The following TRIM37 variants were observed in gnomAD, a reference collection of about 807,000 sequenced individuals.
The protein encoded by TRIM37 is tripartite motif containing 37, also known as E3 ubiquitin-protein ligase TRIM37.
TRIM37 carries 80 observed loss-of-function variants against 129.8 expected under a neutral mutation model. The observed-to-expected ratio is 0.62, with a 90% CI of 0.51 to 0.74. The LOEUF (loss-of-function observed/expected upper bound fraction) is 0.74. Among genes scored for constraint, TRIM37 ranks in the 30% least tolerant of loss-of-function variants. The pLI is 0.00. For synonymous variants in TRIM37, 389 were observed against 387.1 expected (o/e 1.00, Z -0.06); for missense variants, 1,054 against 1,176.5 (o/e 0.90, Z 1.52).
In TRIM37 at chr17:59,001,498, T is replaced by C. The variant is rs1264438758; in HGVS notation, c.2812+100A>G. ...GTAGAAGCAGAAGAAGCAAAAGCAGTAGAGCGGAAAAAGTAGAAGTAGCAG... is the reference window on the plus strand; with the variant it reads ...GTAGAAGCAGAAGAAGCAAAAGCAGCAGAGCGGAAAAAGTAGAAGTAGCAG... On this transcript the variant is annotated intron_variant, in intron 23 of 23. Coordinates refer to ENST00000262294, the MANE Select transcript of TRIM37 (RefSeq NM_015294.6). 7.9e-6 allele frequency: 11 copies of C among 1,400,874 alleles called. No individual in the cohort carries two copies. The African/African-American group carries it at 9.2e-5, about 12-fold the overall frequency. 86.8% of individuals were successfully genotyped at this position (1,400,874 alleles called of 1,614,324 possible).
intron 22 of TRIM37, among the ~76,000 whole-genome samples, chr17:59,008,815 T>C (rs2034878379): frequency 6.6e-6 from 1 of 152,206 alleles, no homozygotes; most frequent in Non-Finnish European, 1.5e-5. Context: ...GTTCCACATA[T>C]GCTATTCCCA....
At chr17:58,969,364 G>A in the TRIM37 span, 1 of 719,208 alleles carries the variant, frequency 1.4e-6, no homozygotes, top group Non-Finnish European at 2.5e-6. Context: ...CCCTAATATT[G>A]CAGGTATTTC....
At chr17:58,978,047 CAA>C (rs1453737362), downstream of TRIM37, among the ~76,000 whole-genome samples, 3 of 152,104 alleles carry the variant, frequency 2.0e-5, no homozygotes, top group African/African-American at 7.2e-5. Context: ...TTTCTTGTGT[CAA>C]AGAGAACCTA....
chr17:58,985,403 AGAGG>A (rs2031706967), intron 24 of TRIM37, among the ~76,000 whole-genome samples: 2 of 152,220 alleles, frequency 1.3e-5, no homozygotes, highest in Admixed American at 1.3e-4. Flanking sequence ...AACTGCGAGG[AGAGG>A]GAGTGGTGTT....
At chr17:59,016,912 A>C (rs1275246373) in intron 20 of TRIM37, among the ~76,000 whole-genome samples, 1 of 152,132 alleles carries the variant, frequency 6.6e-6, no homozygotes. Context: ...GGTGGGGCTC[A>C]TTCCTGTAAT....
chr17:58,969,423 T>G, the TRIM37 span: 8 of 982,036 alleles, frequency 8.1e-6, no homozygotes, highest in Non-Finnish European at 1.3e-5. Context: ...GTCTCATTAT[T>G]CTGAATGACA....
intron 15 of TRIM37, among the ~76,000 whole-genome samples, chr17:59,048,543 CG>C (rs2040033983): frequency 6.6e-6 from 1 of 152,136 alleles, no homozygotes; most frequent in Non-Finnish European, 1.5e-5. Flanking sequence ...AGTCTACCTA[CG>C]TAAGTAATGA....
At chr17:59,036,443 T>TGG (rs552802145) in intron 17 of TRIM37, among the ~76,000 whole-genome samples, 4,678 of 126,948 alleles carry the variant, frequency 0.037, 150 homozygotes, top group African/African-American at 0.091. Flanking sequence ...TTGTATTTGC[T>TGG]GGGGGTGTGT....
chr17:59,041,063 AAAG>A (rs1450759901), intron 17 of TRIM37, among the ~76,000 whole-genome samples: 1 of 152,232 alleles, frequency 6.6e-6, no homozygotes, highest in South Asian at 2.1e-4. Context: ...AAAAAAAAAA[AAAG>A]AATATGCCAG....
intron 24 of TRIM37, among the ~76,000 whole-genome samples, chr17:58,992,625 C>G (rs987935586): frequency 2.0e-5 from 3 of 152,148 alleles, no homozygotes; most frequent in Non-Finnish European, 4.4e-5. Flanking sequence ...GGTAATCTGC[C>G]TTCCTCGGCC....
At position 59,081,151 on chromosome 17, in the gene TRIM37, C is replaced by A; in HGVS notation, c.438G>T (p.Glu146Asp). 6.2e-7 allele frequency: 1 copy of A among 1,613,638 alleles called. No homozygotes were observed. The highest frequency in any genetic ancestry group is 1.1e-5 in the South Asian group (1 of 91,028). ...YEQHVTKVNE[E>D]VAKLRRRLME... ...TGAGACGCCGACGAAGTTTGGCTAC[C>A]TCTTCATTCACTTTAGTGACGTGTT... is the stretch of plus-strand genomic sequence containing the variant. Residue 146 changes from glutamate to aspartate, a missense_variant, in exon 6 of 24, where the codon GAG (glutamate) becomes GAT (aspartate). Physicochemically the swap from Glu to Asp is conservative, Grantham distance 45. This residue lies in a region of TRIM37 where 752 missense variants were observed against 870.8 expected (regional missense o/e 0.86). Transcript: ENST00000262294.
At chr17:59,063,789 G>A (rs1257077711) in intron 10 of TRIM37, among the ~76,000 whole-genome samples, 2 of 152,090 alleles carry the variant, frequency 1.3e-5, no homozygotes, top group South Asian at 2.1e-4. Context: ...GGTAAGAGGG[G>A]GCTCATCAAC....
Position 58,999,073 on chromosome 17 carries a change from C to T in TRIM37, c.*304G>A. ...GGAGGTACATTTTCTGGCAGTTAAC[C>T]AGCCTTCTGCTGTAGTAGACAAACT... On this transcript the variant is annotated 3_prime_UTR_variant, in exon 24 of 24. Coordinates refer to ENST00000262294, the MANE Select transcript of TRIM37 (RefSeq NM_015294.6). 8.4e-7 allele frequency: 1 copy of T among 1,186,732 alleles called. No homozygotes were observed. The highest frequency in any genetic ancestry group is 1.9e-5 in the South Asian group (1 of 51,584). The allele number at this position is 1,186,732 out of a possible 1,614,324, so 73.5% of individuals were successfully genotyped here.
rs746062423 is a variant in TRIM37, at chr17:59,070,888, A to G, written c.744T>C (p.Phe248=). 6.2e-7 allele frequency: 1 copy of G among 1,614,142 alleles called. No individual in the cohort carries two copies. The highest frequency in any genetic ancestry group is 1.1e-5 in the South Asian group (1 of 91,086). ...CCATGGGCTTCCGATGAACTTGCTG[A>G]AACATCATAAGGATCTCTGAGCTCT... ...ISKSSEILMM[F]QQVHRKPMAS... Residue 248 remains phenylalanine (F), a synonymous_variant, in exon 9 of 24, where the codon TTT becomes TTC. Transcript: ENST00000262294.
intron 24 of TRIM37, among the ~76,000 whole-genome samples, chr17:58,990,517 G>A (rs1451592710): frequency 2.6e-5 from 4 of 151,118 alleles, no homozygotes; most frequent in African/African-American, 4.9e-5. Flanking sequence ...TCAAGGCTGG[G>A]CCCAGTGGCT....
At chr17:59,037,375 G>A (rs1212640064) in intron 17 of TRIM37, among the ~76,000 whole-genome samples, 4 of 151,382 alleles carry the variant, frequency 2.6e-5, no homozygotes, top group South Asian at 2.1e-4. Context: ...TGGCTAACAC[G>A]GTGAAACCCC....
intron 15 of TRIM37, among the ~76,000 whole-genome samples, chr17:59,048,141 G>A (rs2039998630): frequency 6.6e-6 from 1 of 151,944 alleles, no homozygotes; most frequent in African/African-American, 2.4e-5. Flanking sequence ...CCATTATCAA[G>A]GTCATTAATT....
At chr17:59,058,244 G>A (rs1460573335) in intron 12 of TRIM37, among the ~76,000 whole-genome samples, 1 of 152,208 alleles carries the variant, frequency 6.6e-6, no homozygotes, top group Non-Finnish European at 1.5e-5. Context: ...GATGGATGGA[G>A]CTGGAGGCTA....
rs1047532625 is a variant in TRIM37, at chr17:58,987,666, C to T, written c.2892-4745G>A. 3.3e-5 allele frequency among the ~76,000 whole-genome samples: 5 copies of T among 152,214 alleles called. No individual in the cohort carries two copies. In the East Asian group the frequency reaches 9.6e-4, roughly 29 times the overall value. On this transcript the variant is annotated intron_variant, in intron 24 of 24. Transcript: ENST00000393066. Reference sequence around the variant, plus strand: ...AATGAGAGGTAGAATGAGGAGAAATCTAAAAATATTACCACATAAAAATTC... The same window carrying T: ...AATGAGAGGTAGAATGAGGAGAAATTTAAAAATATTACCACATAAAAATTC...
Sources: gnomAD v4.1 joint callset for allele counts (sites outside exome capture counted in the v4.1 genomes callset) on GRCh38, gnomAD v4.1.1 for gene constraint, gnomAD v4.1.1 regional missense constraint, MANE v1.5 for transcripts, NCBI Gene and HGNC (gene_info 2026-07-23, HGNC 2026-07-21) for gene names.